Variants in NELL1 observed in about 807,000 individuals in gnomAD.
NELL1 encodes the protein neural EGFL like 1, also known as protein kinase C-binding protein NELL1.
NELL1 carries 76 observed loss-of-function variants against 107.4 expected under a neutral mutation model. That is an observed-to-expected ratio of 0.71 (90% CI 0.59 to 0.86). The LOEUF (loss-of-function observed/expected upper bound fraction) is 0.86. NELL1 is among the 40% of genes least tolerant of loss of function. The pLI is 0.00. For missense variants in NELL1, 1,024 were observed against 1,005.5 expected (o/e 1.02, Z -0.25); for synonymous variants, 353 against 341.2 (o/e 1.03, Z -0.38).
chr11:21,410,272 C>T (rs1284037390), intron 15 of NELL1, among the ~76,000 whole-genome samples: 1 of 151,988 alleles, frequency 6.6e-6, no homozygotes, highest in African/African-American at 2.4e-5. Context: ...ACTACCTGTG[C>T]CATTCATTTC....
At chr11:20,732,127 A>C (rs184685833) in intron 2 of NELL1, among the ~76,000 whole-genome samples, 2 of 151,718 alleles carry the variant, frequency 1.3e-5, no homozygotes, top group African/African-American at 4.8e-5. Flanking sequence ...TCATTTTCCG[A>C]GTCCTTTCCC....
chr11:21,028,246 A>G (rs903433125), intron 12 of NELL1, among the ~76,000 whole-genome samples: 15 of 152,128 alleles, frequency 9.9e-5, no homozygotes, highest in Non-Finnish European at 4.4e-5. Flanking sequence ...ATAGCACATC[A>G]GCATTTTATT....
chr11:20,853,612 T>C (rs1301595462), intron 4 of NELL1, among the ~76,000 whole-genome samples: 2 of 152,190 alleles, frequency 1.3e-5, no homozygotes, highest in Non-Finnish European at 2.9e-5. Flanking sequence ...GCACAACAGA[T>C]GTATACCATC....
intron 5 of NELL1, among the ~76,000 whole-genome samples, chr11:20,886,512 G>C (rs1590380833): frequency 6.6e-6 from 1 of 152,050 alleles, no homozygotes; most frequent in Non-Finnish European, 1.5e-5. Flanking sequence ...GGAATTCCTT[G>C]GGGACCAAAT....
chr11:21,117,726 A>G lies in NELL1; in HGVS notation c.1426+4012A>G, dbSNP rs546519433. 2.0e-5 allele frequency among the ~76,000 whole-genome samples: 3 copies of G among 152,006 alleles called. No homozygotes were observed. The South Asian group carries it at 6.2e-4, about 32-fold the overall frequency. On this transcript the variant is annotated intron_variant, in intron 13 of 19. Transcript: ENST00000357134. Reference sequence around the variant, plus strand: ...CAGAGGCGTTCTGCATACCATATTCACTTTGGGATGCAAGCTGTTGGAATG... The same window carrying G: ...CAGAGGCGTTCTGCATACCATATTCGCTTTGGGATGCAAGCTGTTGGAATG...
rs545197802 is a variant in NELL1, at chr11:20,704,387, C to A, written c.184+26327C>A. On this transcript the variant is annotated intron_variant, in intron 2 of 19. Transcript: ENST00000357134. ...TCTTCCTCCATCCTTTTATTTTGAG[C>A]CTATGTGTGTCTCTGCTGGTGAGAT... is the stretch of plus-strand genomic sequence containing the variant. Among the ~76,000 whole-genome samples the A allele has an allele frequency of 2.6e-5, 4 of 152,204 alleles. No homozygotes were observed. The South Asian group carries it at 8.3e-4, about 32-fold the overall frequency.
chr11:21,087,141 G>A (rs930278182), intron 12 of NELL1, among the ~76,000 whole-genome samples: 1 of 152,174 alleles, frequency 6.6e-6, no homozygotes, highest in Non-Finnish European at 1.5e-5. Flanking sequence ...TCCTGGCCCA[G>A]TGGAATGGTT....
At chr11:21,088,489 A>G (rs765320837) in intron 12 of NELL1, among the ~76,000 whole-genome samples, 4 of 152,142 alleles carry the variant, frequency 2.6e-5, no homozygotes, top group African/African-American at 4.8e-5. Context: ...TGTCCTTTCT[A>G]TCACCACATT....
chr11:21,477,151 T>C (rs1401814591), intron 15 of NELL1, among the ~76,000 whole-genome samples: 3 of 151,758 alleles, frequency 2.0e-5, no homozygotes, highest in Non-Finnish European at 4.4e-5. Flanking sequence ...GCACCACCCC[T>C]CCCCCAAGCC....
At chr11:21,433,682 T>C (rs564678429) in intron 15 of NELL1, among the ~76,000 whole-genome samples, 1 of 152,270 alleles carries the variant, frequency 6.6e-6, no homozygotes, top group African/African-American at 2.4e-5. Context: ...TTATTTTTTG[T>C]TGTTGTTTTT....
At chr11:20,934,314 C>A (rs1301429516) in intron 9 of NELL1, among the ~76,000 whole-genome samples, 1 of 152,142 alleles carries the variant, frequency 6.6e-6, no homozygotes. Flanking sequence ...GCACTAGTGC[C>A]AAATTGCAGA....
At chr11:20,985,328 C>A (rs1309271352) in intron 12 of NELL1, among the ~76,000 whole-genome samples, 1 of 152,132 alleles carries the variant, frequency 6.6e-6, no homozygotes, top group Non-Finnish European at 1.5e-5. Context: ...TCTGCACAAA[C>A]CCTAACCCAC....
intron 11 of NELL1, among the ~76,000 whole-genome samples, chr11:20,959,642 C>T (rs1284558132): frequency 1.3e-5 from 2 of 152,040 alleles, no homozygotes; most frequent in Non-Finnish European, 2.9e-5. Flanking sequence ...ATAAGAATGA[C>T]ATCATAGACT....
chr11:21,113,713 A>T lies in NELL1; in HGVS notation c.1425A>T (p.Thr475=), dbSNP rs1282849342. The T allele has an allele frequency of 6.2e-7, 1 of 1,610,400 alleles. No homozygotes were observed. Among genetic ancestry groups the T allele is most frequent in the South Asian group, 1.1e-5 (1 of 90,504 alleles). The change falls in exon 13 of 20, where the codon ACA becomes ACT. Residue 475 remains threonine, a splice_region_variant and synonymous_variant. Coordinates refer to ENST00000357134, the MANE Select transcript of NELL1 (RefSeq NM_006157.5). ...TTCGTGTGGATGACTTCTCTTGTAC[A>T]GGTGAGCTTTAAGAAGCAGTGTTGT... ...GYIRVDDFSC[T]EHDECGSGQH... is the part of the protein sequence containing the mutation.
chr11:20,726,476 G>A (rs1305806904), intron 2 of NELL1, among the ~76,000 whole-genome samples: 2 of 151,686 alleles, frequency 1.3e-5, no homozygotes, highest in East Asian at 3.9e-4. Flanking sequence ...TTCTATCATC[G>A]ATTAGTTTTG....
At chr11:21,563,654 A>G (rs1354260709) in intron 17 of NELL1, among the ~76,000 whole-genome samples, 1 of 152,060 alleles carries the variant, frequency 6.6e-6, no homozygotes, top group Non-Finnish European at 1.5e-5. Context: ...TTGCAATACT[A>G]TGCAGTTATA....
chr11:21,361,867 C>A (rs1851084171), intron 14 of NELL1, among the ~76,000 whole-genome samples: 1 of 151,994 alleles, frequency 6.6e-6, no homozygotes, highest in Non-Finnish European at 1.5e-5. Flanking sequence ...ATCTATTTAT[C>A]TGAGGAATTT....
chr11:20,969,805 C>A (rs1851458455), intron 12 of NELL1, among the ~76,000 whole-genome samples: 1 of 151,836 alleles, frequency 6.6e-6, no homozygotes, highest in Non-Finnish European at 1.5e-5. Flanking sequence ...CAGGACTTTT[C>A]AACAAGGCCA....
At chr11:20,674,312 G>C (rs772629191) in intron 1 of NELL1, among the ~76,000 whole-genome samples, 35 of 152,266 alleles carry the variant, frequency 2.3e-4, no homozygotes, top group East Asian at 1.9e-4. Context: ...AGCTGGAGTG[G>C]TCTGGAGAAC....
Sources: gnomAD v4.1 joint callset for allele counts (sites outside exome capture counted in the v4.1 genomes callset) on GRCh38, gnomAD v4.1.1 for gene constraint, MANE v1.5 for transcripts, NCBI Gene and HGNC (gene_info 2026-07-23, HGNC 2026-07-21) for gene names.